Variants in RAP1GDS1 observed in about 807,000 individuals in gnomAD.
RAP1GDS1 encodes the protein RAP1, GTP-GDP dissociation stimulator 1.
In RAP1GDS1, 35 loss-of-function variants were observed where a neutral mutation model predicts 71.1. The ratio of observed to expected loss-of-function variants is 0.49; its 90% CI spans 0.38 to 0.65. The LOEUF is 0.65. Among genes scored for constraint, RAP1GDS1 ranks in the 30% least tolerant of loss-of-function variants. The pLI, the probability that RAP1GDS1 is intolerant of heterozygous loss-of-function variation, is 0.00. For missense variants in RAP1GDS1, 663 were observed against 706.1 expected, an observed-to-expected ratio of 0.94 and a Z score of 0.69; for synonymous variants, 229 against 243.1, an observed-to-expected ratio of 0.94 and a Z score of 0.54.
At chr4:98,293,665 T>C (rs1727287164) in intron 2 of RAP1GDS1, 150 bp downstream of exon 2, 1 of 652,772 alleles carries the variant, frequency 1.5e-6, no homozygotes, top group Non-Finnish European at 2.6e-6. Flanking sequence ...TTGTTTTACA[T>C]GTTCTACCCT....
chr4:98,334,199 G>T (rs1222732094), intron 2 of RAP1GDS1, among the ~76,000 whole-genome samples: 2 of 152,018 alleles, frequency 1.3e-5, no homozygotes, highest in Middle Eastern at 3.4e-3. Context: ...TTACTATGTA[G>T]ACATAACATA....
chr4:98,297,892 A>C (rs1189366725), intron 2 of RAP1GDS1, among the ~76,000 whole-genome samples: 3 of 152,224 alleles, frequency 2.0e-5, no homozygotes, highest in Admixed American at 6.5e-5. Flanking sequence ...GCCAAAAGCT[A>C]GGCTTCTTGA....
chr4:98,304,226 T>C (rs898310032), intron 2 of RAP1GDS1, among the ~76,000 whole-genome samples: 2 of 152,220 alleles, frequency 1.3e-5, no homozygotes, highest in Non-Finnish European at 2.9e-5. Context: ...ATGGGATTGC[T>C]GGGTCAAATG....
intron 2 of RAP1GDS1, among the ~76,000 whole-genome samples, chr4:98,307,656 A>G (rs1220749306): frequency 6.6e-6 from 1 of 152,118 alleles, no homozygotes; most frequent in Non-Finnish European, 1.5e-5. Flanking sequence ...TTTTCTGTAT[A>G]ACTTCTAAGT....
chr4:98,421,610 C>T (rs1748873305), intron 12 of RAP1GDS1, among the ~76,000 whole-genome samples: 1 of 152,110 alleles, frequency 6.6e-6, no homozygotes, highest in Non-Finnish European at 1.5e-5. Context: ...GTTGTTATTA[C>T]TTTTACCACC....
intron 6 of RAP1GDS1, among the ~76,000 whole-genome samples, chr4:98,400,904 A>G (rs535864205): frequency 1.6e-4 from 24 of 152,306 alleles, no homozygotes; most frequent in Middle Eastern, 3.4e-3. Flanking sequence ...ATACTCTGTC[A>G]TACTATCAGT....
At chr4:98,290,577 G>A (rs1463571212) in intron 1 of RAP1GDS1, among the ~76,000 whole-genome samples, 6 of 152,048 alleles carry the variant, frequency 3.9e-5, no homozygotes, top group Admixed American at 2.6e-4. Context: ...CTGGTTTATA[G>A]AAGAGAGGTT....
intron 2 of RAP1GDS1, among the ~76,000 whole-genome samples, chr4:98,316,181 A>G (rs545197816): frequency 6.6e-6 from 1 of 152,286 alleles, no homozygotes; most frequent in African/African-American, 2.4e-5. Context: ...CAGTAATACT[A>G]GAGTTGTTGA....
At position 98,296,064 on chromosome 4, in the gene RAP1GDS1, CAGAG is replaced by C. The variant is rs1293250959; in HGVS notation, c.112+2552_112+2555del. Among the ~76,000 whole-genome samples, 9 of 149,724 alleles carry C rather than the reference CAGAG, an allele frequency of 6.0e-5. No individual in the cohort carries two copies. In the Middle Eastern group the frequency reaches 0.01, roughly 170 times the overall value. ...AACAACAACAACAACAACAAAAACA[CAGAG>C]AGCTTCTCGTTTCATAATTCTTCCT... On this transcript the variant is annotated intron_variant, in intron 2 of 14. Coordinates refer to ENST00000408927, the MANE Select transcript of RAP1GDS1 (RefSeq NM_001100427.2).
At chr4:98,320,801 TA>T (rs1242120493) in intron 2 of RAP1GDS1, among the ~76,000 whole-genome samples, 1 of 140,888 alleles carries the variant, frequency 7.1e-6, no homozygotes, top group Non-Finnish European at 1.5e-5. Context: ...CAAAAGTAGA[TA>T]AAACCACAAA....
chr4:98,287,445 C>T (rs1024576365), intron 1 of RAP1GDS1, among the ~76,000 whole-genome samples: 1 of 151,852 alleles, frequency 6.6e-6, no homozygotes, highest in African/African-American at 2.4e-5. Context: ...TATAATTAAC[C>T]TGGAACAAAA....
At chr4:98,345,903 T>C (rs886854096) in intron 3 of RAP1GDS1, among the ~76,000 whole-genome samples, 7 of 152,154 alleles carry the variant, frequency 4.6e-5, no homozygotes, top group African/African-American at 1.4e-4. Flanking sequence ...ACCTGAAAGA[T>C]TGGGCTGGTA....
chr4:98,381,441 C>T (rs530895204), intron 5 of RAP1GDS1, among the ~76,000 whole-genome samples: 1 of 151,492 alleles, frequency 6.6e-6, no homozygotes, highest in South Asian at 2.1e-4. Flanking sequence ...ATTATTAAAG[C>T]GTCTTTATTG....
intron 4 of RAP1GDS1, among the ~76,000 whole-genome samples, chr4:98,369,192 C>T (rs1038355416): frequency 6.6e-6 from 1 of 152,060 alleles, no homozygotes; most frequent in Non-Finnish European, 1.5e-5. Context: ...CAACTGAGTC[C>T]CTCCCATGAC....
chr4:98,289,211 C>G (rs1019861730), intron 1 of RAP1GDS1, among the ~76,000 whole-genome samples: 1 of 151,908 alleles, frequency 6.6e-6, no homozygotes, highest in Non-Finnish European at 1.5e-5. Flanking sequence ...ATTAAAGAAT[C>G]TATATAAAAA....
At chr4:98,414,000 G>A (rs914329984) in intron 7 of RAP1GDS1, among the ~76,000 whole-genome samples, 2 of 151,998 alleles carry the variant, frequency 1.3e-5, no homozygotes, top group African/African-American at 4.8e-5. Context: ...TGTGTTTTTT[G>A]GCTGCATAAA....
intron 2 of RAP1GDS1, among the ~76,000 whole-genome samples, chr4:98,325,845 C>T (rs575682127): frequency 1.6e-4 from 24 of 150,164 alleles, no homozygotes; most frequent in Admixed American, 4.6e-4. Context: ...GTGGGTGCAG[C>T]GCACCAGCAT....
intron 1 of RAP1GDS1, among the ~76,000 whole-genome samples, chr4:98,279,954 C>A (rs1351428777): frequency 6.6e-6 from 1 of 152,192 alleles, no homozygotes; most frequent in African/African-American, 2.4e-5. Flanking sequence ...TCTTTTATGG[C>A]TGCATAGTAA....
chr4:98,272,583 TAC>T (rs1343234491), intron 1 of RAP1GDS1, among the ~76,000 whole-genome samples: 2 of 152,166 alleles, frequency 1.3e-5, no homozygotes, highest in Non-Finnish European at 2.9e-5. Flanking sequence ...CTGCAGACAG[TAC>T]AGTTTTCAGT....
Sources: gnomAD v4.1 joint callset for allele counts (sites outside exome capture counted in the v4.1 genomes callset) on GRCh38, gnomAD v4.1.1 for gene constraint, MANE v1.5 for transcripts, NCBI Gene and HGNC (gene_info 2026-07-23, HGNC 2026-07-21) for gene names.